Variants in TRAPPC2L observed in about 807,000 individuals in gnomAD.
TRAPPC2L encodes trafficking protein particle complex subunit 2L, also known as trafficking protein particle complex subunit 2-like protein.
TRAPPC2L carries 17 observed loss-of-function variants against 13.2 expected under a neutral mutation model. That is an observed-to-expected ratio of 1.29 (90% CI 0.88 to 1.93). The LOEUF is 1.93. Ranked by LOEUF, TRAPPC2L falls within the 30% of genes most tolerant of loss-of-function variation. TRAPPC2L has a pLI of 0.00. For missense variants in TRAPPC2L, 359 were observed against 252.1 expected (o/e 1.42, Z -2.87); for synonymous variants, 150 against 98.1 (o/e 1.53, Z -3.12).
At chr16:88,860,091 C>G (rs1567557654) in exon 4 of TRAPPC2L, 1 of 956,440 alleles carries the variant, frequency 1.0e-6, no homozygotes, top group African/African-American at 1.9e-5. Context: ...AAGCTATGAG[C>G]ACCATCCCCC....
intron 2 of TRAPPC2L, chr16:88,859,315 GC>G (rs1567555917): frequency 1.5e-6 from 1 of 645,284 alleles, no homozygotes; most frequent in East Asian, 3.1e-5. Context: ...GAGGGGATCC[GC>G]CTTGTTCACG....
At chr16:88,860,494 G>A (rs898685974) in exon 4 of TRAPPC2L, 2 of 600,674 alleles carry the variant, frequency 3.3e-6, no homozygotes, top group African/African-American at 3.7e-5. Flanking sequence ...ATAATTCCCT[G>A]TGGTTGGCAG....
chr16:88,856,597 C>A (rs1298371164), upstream of TRAPPC2L: 6 of 552,908 alleles, frequency 1.1e-5, no homozygotes, highest in Admixed American at 7.0e-5. Flanking sequence ...CGTCCCCTCC[C>A]CCTCCTCCTC....
At chr16:88,858,669 C>T in exon 2 of TRAPPC2L, 3 of 1,613,522 alleles carry the variant, frequency 1.9e-6, no homozygotes, top group Non-Finnish European at 2.5e-6. Context: ...AGCTGAAGTT[C>T]CACTACATGG....
At chr16:88,859,315 G>A (rs933774454) in intron 2 of TRAPPC2L, 3 of 645,284 alleles carry the variant, frequency 4.6e-6, no homozygotes, top group South Asian at 3.0e-5. Flanking sequence ...GAGGGGATCC[G>A]CCTTGTTCAC....
intron 1 of TRAPPC2L, among the ~76,000 whole-genome samples, chr16:88,858,224 G>A (rs564191223): frequency 6.6e-6 from 1 of 152,308 alleles, no homozygotes; most frequent in South Asian, 2.1e-4. Context: ...CACTGTCAAG[G>A]TGAAGAAAAG....
intron 1 of TRAPPC2L, chr16:88,857,575 AAAC>A (rs1968037079): frequency 4.1e-6 from 1 of 244,882 alleles, no homozygotes; most frequent in Non-Finnish European, 7.9e-6. Context: ...GCCGAGTTAA[AAAC>A]AAATCGGATC....
chr16:88,858,527 T>TAGCC, intron 1 of TRAPPC2L, 92 bp from the exon 2 acceptor site: 1 of 1,394,594 alleles, frequency 7.2e-7, no homozygotes, highest in Non-Finnish European at 9.9e-7. Flanking sequence ...GTTCCCCGGG[T>TAGCC]GGCTGCAGGT....
chr16:88,856,306 G>A (rs1034617434), upstream of TRAPPC2L: 3 of 702,852 alleles, frequency 4.3e-6, no homozygotes, highest in Admixed American at 4.0e-5. Context: ...TGATTCCTAG[G>A]GCGACGCAGC....
exon 2 of TRAPPC2L, chr16:88,858,739 G>A (rs1274223081): frequency 1.2e-5 from 20 of 1,613,350 alleles, no homozygotes; most frequent in Non-Finnish European, 1.7e-5. Flanking sequence ...GGCCCTGGTC[G>A]ACCAGAGGGA....
chr16:88,860,346 C>T (rs921982250), exon 4 of TRAPPC2L: 1 of 674,614 alleles, frequency 1.5e-6, no homozygotes. Context: ...GAATTTGGAA[C>T]AGTCAGGAAC....
chr16:88,859,071 G>A (rs1011678472), intron 2 of TRAPPC2L: 3 of 495,758 alleles, frequency 6.1e-6, no homozygotes, highest in Admixed American at 6.7e-5. Flanking sequence ...CTTTGTACCT[G>A]CAAGGATTTC....
At chr16:88,856,893 C>T (rs1477635354), upstream of TRAPPC2L, 2 of 1,502,136 alleles carry the variant, frequency 1.3e-6, no homozygotes, top group Non-Finnish European at 1.8e-6. Flanking sequence ...CCACGGGAGC[C>T]GCGGAGCCCC....
At chr16:88,857,926 C>G (rs1249139658) in intron 1 of TRAPPC2L, among the ~76,000 whole-genome samples, 1 of 152,218 alleles carries the variant, frequency 6.6e-6, no homozygotes, top group African/African-American at 2.4e-5. Context: ...AGACTCGAGA[C>G]CGCTCCCTGC....
At chr16:88,858,489 A>C (rs1968137714) in intron 1 of TRAPPC2L, 130 bp from the exon 2 acceptor site, 1 of 906,680 alleles carries the variant, frequency 1.1e-6, no homozygotes, top group South Asian at 1.7e-5. Flanking sequence ...TAGAGAATGA[A>C]GCGGTGGGCC....
At chr16:88,857,240 C>T (rs760013335) in intron 1 of TRAPPC2L, 57 bp downstream of exon 1, 10 of 1,412,738 alleles carry the variant, frequency 7.1e-6, no homozygotes, top group Non-Finnish European at 9.5e-6. Context: ...TCTCCGCTTT[C>T]TTTCTACTTC....
chr16:88,860,616 C>T (rs1487657133), exon 4 of TRAPPC2L: 1 of 591,696 alleles, frequency 1.7e-6, no homozygotes, highest in Non-Finnish European at 3.0e-6. Flanking sequence ...ACAGTCTTGC[C>T]TCCTGGGCTG....
At position 88,859,884 on chromosome 16, in the gene TRAPPC2L, C is replaced by G. The variant is rs758649159; in HGVS notation, c.295-9C>G. The G allele has an allele frequency of 6.4e-7, 1 of 1,573,594 alleles. No homozygotes were observed. The highest frequency in any genetic ancestry group is 1.1e-5 in the South Asian group (1 of 86,962). On this transcript the variant is annotated splice_polypyrimidine_tract_variant and intron_variant, in intron 3 of 3. Transcript: ENST00000565504. ...GTGGCAAGGTCATGGTTTGCTGGGT[C>G]TTTTTCAGATGTTCCGGAAGCTACA...
exon 1 of TRAPPC2L, chr16:88,857,169 G>T: frequency 6.3e-7 from 1 of 1,582,290 alleles, no homozygotes. Flanking sequence ...GTGCATCGCG[G>T]TGATTGCCAA....
Sources: gnomAD v4.1 joint callset for allele counts (sites outside exome capture counted in the v4.1 genomes callset) on GRCh38, gnomAD v4.1.1 for gene constraint, MANE v1.5 for transcripts, NCBI Gene and HGNC (gene_info 2026-07-23, HGNC 2026-07-21) for gene names.